NARS2: variants seen among roughly 807,000 people sequenced by gnomAD.
NARS2 encodes asparaginyl-tRNA synthetase.
In NARS2, 60 loss-of-function variants were observed where a neutral mutation model predicts 62.9. The observed-to-expected ratio is 0.95, with a 90% confidence interval of 0.77 to 1.18. The LOEUF is 1.18. NARS2 is among the 50% of genes most tolerant of loss of function. The pLI is 0.00. For missense variants in NARS2, 619 were observed against 576.4 expected, an observed-to-expected ratio of 1.07 and a Z score of -0.76; for synonymous variants, 196 against 200.0, an observed-to-expected ratio of 0.98 and a Z score of 0.17.
At chr11:78,552,447 T>C (rs1856163966) in intron 5 of NARS2, among the ~76,000 whole-genome samples, 1 of 152,202 alleles carries the variant, frequency 6.6e-6, no homozygotes, top group Non-Finnish European at 1.5e-5. Context: ...AGTGAGGCAA[T>C]GAACATTCAC....
At chr11:78,499,943 A>T (rs1024456475) in intron 6 of NARS2, among the ~76,000 whole-genome samples, 2 of 152,244 alleles carry the variant, frequency 1.3e-5, no homozygotes, top group African/African-American at 4.8e-5. Context: ...TCGTGTCGAA[A>T]TTATCCCTCT....
chr11:78,528,867 G>T lies in NARS2; in HGVS notation c.664C>A (p.Gln222Lys). 1 of 1,611,720 alleles carries T rather than the reference G, an allele frequency of 6.2e-7. No homozygotes were observed. Among genetic ancestry groups the T allele is most frequent in the Non-Finnish European group, 8.5e-7 (1 of 1,178,432 alleles). Residue 222 changes from glutamine to lysine, a missense_variant, in exon 6 of 14, where the codon CAA becomes AAA. By Grantham distance (53) the Gln-to-Lys change is moderately conservative (BLOSUM62 1). Coordinates refer to ENST00000281038, the MANE Select transcript of NARS2 (RefSeq NM_024678.6). ...CCTGACATCACTTCTAGATGAAGTT[G>T]TCCTGAGACAGTTAAGAAAGCAGGA... ...NVPAFLTVSG[Q>K]LHLEVMSGAF...
intron 1 of NARS2, chr11:78,573,652 G>C (rs1388803192): frequency 6.6e-6 from 1 of 152,250 alleles, no homozygotes; most frequent in Non-Finnish European, 1.5e-5. Context: ...ATCAGCAAGA[G>C]AAACAATAGC....
chr11:78,540,391 G>A (rs1337914882), intron 5 of NARS2, among the ~76,000 whole-genome samples: 1 of 152,192 alleles, frequency 6.6e-6, no homozygotes, highest in Non-Finnish European at 1.5e-5. Flanking sequence ...ACCCACACAA[G>A]TCCGACTCTG....
chr11:78,501,086 T>C (rs1170599973), intron 6 of NARS2, among the ~76,000 whole-genome samples: 2 of 152,138 alleles, frequency 1.3e-5, no homozygotes, highest in Non-Finnish European at 2.9e-5. Flanking sequence ...AGTGAGACCC[T>C]GTCTCAAACA....
chr11:78,456,876 C>A (rs1858181537), intron 11 of NARS2, among the ~76,000 whole-genome samples: 1 of 152,228 alleles, frequency 6.6e-6, no homozygotes, highest in African/African-American at 2.4e-5. Context: ...TGCTTAGATT[C>A]ATTTTCCCAT....
At chr11:78,548,630 A>G (rs953759440) in intron 5 of NARS2, among the ~76,000 whole-genome samples, 1 of 152,202 alleles carries the variant, frequency 6.6e-6, no homozygotes, top group Non-Finnish European at 1.5e-5. Context: ...CTTACAACCG[A>G]TAAGAATAGT....
chr11:78,571,000 AGAG>A (rs1256958384), intron 2 of NARS2, among the ~76,000 whole-genome samples: 3 of 152,238 alleles, frequency 2.0e-5, no homozygotes, highest in Non-Finnish European at 2.9e-5. Context: ...ATGAAAGACA[AGAG>A]GAGAAGAGGC....
intron 5 of NARS2, 83 bp downstream of exon 5, chr11:78,559,456 A>G: frequency 3.2e-6 from 3 of 934,600 alleles, no homozygotes; most frequent in Non-Finnish European, 3.4e-6. Context: ...TCTTCTGTCC[A>G]CAAAACTATT....
At chr11:78,555,375 T>C (rs1238852949) in intron 5 of NARS2, 2 of 152,198 alleles carry the variant, frequency 1.3e-5, no homozygotes, top group African/African-American at 2.4e-5. Flanking sequence ...TTTTGGTTGG[T>C]AGACTATTTA....
intron 6 of NARS2, among the ~76,000 whole-genome samples, chr11:78,524,114 A>G (rs576176385): frequency 6.6e-6 from 1 of 152,248 alleles, no homozygotes; most frequent in African/African-American, 2.4e-5. Flanking sequence ...TATTAACTAC[A>G]AGATGGCTTT....
At chr11:78,466,313 A>G (rs1323631567) in intron 10 of NARS2, among the ~76,000 whole-genome samples, 2 of 149,172 alleles carry the variant, frequency 1.3e-5, no homozygotes, top group African/African-American at 5.0e-5. Context: ...GCAGGAAAAC[A>G]AAGTCTACTT....
intron 9 of NARS2, among the ~76,000 whole-genome samples, chr11:78,470,545 G>C (rs908089708): frequency 6.6e-6 from 1 of 152,074 alleles, no homozygotes; most frequent in African/African-American, 2.4e-5. Context: ...TTGCAGATCT[G>C]TGTGTATATG....
At chr11:78,571,962 A>C (rs945785105) in intron 1 of NARS2, among the ~76,000 whole-genome samples, 20 of 152,140 alleles carry the variant, frequency 1.3e-4, no homozygotes, top group African/African-American at 4.8e-4. Context: ...AGGACGGATC[A>C]CTTGAGGTCG....
intron 9 of NARS2, among the ~76,000 whole-genome samples, chr11:78,471,781 G>A (rs1192298060): frequency 3.4e-5 from 5 of 147,918 alleles, no homozygotes; most frequent in East Asian, 2.0e-4. Context: ...GAGAATATGC[G>A]GTGTTTGGTT....
chr11:78,563,852 AT>A (rs1414205225), intron 4 of NARS2, among the ~76,000 whole-genome samples: 1,209 of 20,180 alleles, frequency 0.06, 131 homozygotes, highest in African/African-American at 0.15. Context: ...AAAAAAAAAA[AT>A]ATATATATAT....
At chr11:78,502,096 G>A (rs1322291576) in intron 6 of NARS2, among the ~76,000 whole-genome samples, 2 of 152,186 alleles carry the variant, frequency 1.3e-5, no homozygotes, top group African/African-American at 2.4e-5. Flanking sequence ...ATGATTTCCT[G>A]TATATGAAAT....
intron 11 of NARS2, among the ~76,000 whole-genome samples, chr11:78,444,728 A>AAAAAAAAAAACAAAAC (rs1857695873): frequency 3.1e-5 from 3 of 95,642 alleles, no homozygotes; most frequent in African/African-American, 8.0e-5. Flanking sequence ...CAAACAAAAC[A>AAAAAAAAAAACAAAAC]AAAAAAAAAA....
At chr11:78,462,429 G>T (rs1238664648) in intron 11 of NARS2, among the ~76,000 whole-genome samples, 2 of 152,190 alleles carry the variant, frequency 1.3e-5, no homozygotes, top group African/African-American at 4.8e-5. Flanking sequence ...GGATGATTTT[G>T]TGTGAAAGGT....
Sources: gnomAD v4.1 joint callset for allele counts (sites outside exome capture counted in the v4.1 genomes callset) on GRCh38, gnomAD v4.1.1 for gene constraint, MANE v1.5 for transcripts, NCBI Gene and HGNC (gene_info 2026-07-23, HGNC 2026-07-21) for gene names.